Variants in TMEM132D observed in about 807,000 individuals in gnomAD.
TMEM132D encodes the protein mature OL transmembrane protein.
Under a neutral mutation model 62.3 loss-of-function variants are expected in TMEM132D, and 21 were observed. That is an observed-to-expected ratio of 0.34 (90% CI 0.24 to 0.49). The LOEUF (loss-of-function observed/expected upper bound fraction) is 0.49, where lower values mean the gene tolerates loss of function less well. Ranked by LOEUF, TMEM132D falls within the 20% of genes least tolerant of loss-of-function variation. TMEM132D has a pLI of 0.99. For missense variants in TMEM132D, 1,346 were observed against 1,402.8 expected, an observed-to-expected ratio of 0.96 and a Z score of 0.65; for synonymous variants, 621 against 575.6, an observed-to-expected ratio of 1.08 and a Z score of -1.13.
At position 129,597,770 on chromosome 12, in the gene TMEM132D, T is replaced by C. The variant is rs1296613962; in HGVS notation, c.969-66565A>G. On this transcript the variant is annotated intron_variant, in intron 2 of 8. Coordinates refer to ENST00000422113, the MANE Select transcript of TMEM132D (RefSeq NM_133448.3). ...CATTGGTTGAAGTGTTCTCTTCACA[T>C]CATCAAATGCCCCAAAGGTAGGATT... 2.6e-5 allele frequency among the ~76,000 whole-genome samples: 4 copies of C among 152,290 alleles called. No homozygotes were observed. In the East Asian group the frequency reaches 7.7e-4, roughly 29 times the overall value.
intron 3 of TMEM132D, among the ~76,000 whole-genome samples, chr12:129,475,813 C>A (rs1034383720): frequency 1.3e-5 from 2 of 152,156 alleles, no homozygotes; most frequent in African/African-American, 4.8e-5. Context: ...ACCTGGTGTG[C>A]AGTGATGGAA....
At chr12:129,161,603 G>A (rs1387118035) in intron 5 of TMEM132D, among the ~76,000 whole-genome samples, 2 of 152,116 alleles carry the variant, frequency 1.3e-5, no homozygotes, top group Admixed American at 6.5e-5. Flanking sequence ...TCTCTATTAC[G>A]GCTTTTGCCT....
At chr12:129,463,442 T>G (rs1289080347) in intron 3 of TMEM132D, among the ~76,000 whole-genome samples, 1 of 127,328 alleles carries the variant, frequency 7.9e-6, no homozygotes. Flanking sequence ...CCTGTCCTAT[T>G]TATTTATTTA....
chr12:129,621,365 G>A (rs1056639148), intron 2 of TMEM132D, among the ~76,000 whole-genome samples: 5 of 152,030 alleles, frequency 3.3e-5, no homozygotes, highest in Admixed American at 6.5e-5. Flanking sequence ...GATGCTCTCT[G>A]GGGAGCTCAG....
chr12:129,558,778 C>T lies in TMEM132D; in HGVS notation c.969-27573G>A, dbSNP rs574422926. ...GGGTCCATGGACTGGAGAAGCGTTG[C>T]ATTTACTCCAAGAGCAAGACAGCAT... On this transcript the variant is annotated intron_variant, in intron 2 of 8. Transcript: ENST00000422113. 2.8e-4 allele frequency among the ~76,000 whole-genome samples: 43 copies of T among 152,310 alleles called. 1 individual carries two copies. In the South Asian group the frequency reaches 8.3e-3, roughly 29 times the overall value.
At chr12:129,901,613 G>T (rs1267646998) in intron 1 of TMEM132D, among the ~76,000 whole-genome samples, 2 of 152,150 alleles carry the variant, frequency 1.3e-5, no homozygotes, top group African/African-American at 4.8e-5. Context: ...ACATCACACA[G>T]GACCTCATTT....
At chr12:129,333,372 CAA>C (rs1869173393) in intron 4 of TMEM132D, among the ~76,000 whole-genome samples, 1 of 152,098 alleles carries the variant, frequency 6.6e-6, no homozygotes, top group African/African-American at 2.4e-5. Context: ...AAAATGTGTG[CAA>C]AGATTTTTGT....
chr12:129,842,474 T>G (rs574836539), intron 1 of TMEM132D, among the ~76,000 whole-genome samples: 47 of 152,116 alleles, frequency 3.1e-4, no homozygotes, highest in African/African-American at 1.1e-3. Context: ...TGGTTTTGTT[T>G]TATATTTGTT....
At chr12:129,358,046 C>A (rs1345804523) in intron 3 of TMEM132D, among the ~76,000 whole-genome samples, 1 of 152,132 alleles carries the variant, frequency 6.6e-6, no homozygotes, top group East Asian at 1.9e-4. Flanking sequence ...GTCAAATATG[C>A]ATGATCCTTT....
intron 5 of TMEM132D, among the ~76,000 whole-genome samples, chr12:129,137,147 GTCATCACTAT>G (rs1565975615): frequency 3.4e-5 from 1 of 29,334 alleles, no homozygotes; most frequent in Non-Finnish European, 1.3e-4. Flanking sequence ...CACTATCATT[GTCATCACTAT>G]CACAATCACC....
chr12:129,292,503 G>GT lies in TMEM132D; in HGVS notation c.1299+45130dup, dbSNP rs79685709. On this transcript the variant is annotated intron_variant, in intron 4 of 8. Transcript: ENST00000422113. ...ATCCTGTAATTAGAGAAGGGCCAGG[G>GT]TTAATGACCAAAGGAAAACAGACTA... Among the ~76,000 whole-genome samples the GT allele has an allele frequency of 6.0e-3, 920 of 152,282 alleles. 62 individuals are homozygous for GT. In the East Asian group the frequency reaches 0.15, roughly 26 times the overall value.
intron 5 of TMEM132D, among the ~76,000 whole-genome samples, chr12:129,168,655 C>CCCAGGTTGG (rs1877632052): frequency 6.6e-6 from 1 of 152,172 alleles, no homozygotes; most frequent in South Asian, 2.1e-4. Flanking sequence ...GCTCTACAGA[C>CCCAGGTTGG]ATTTAAGGTT....
In TMEM132D at chr12:129,699,965, G is replaced by C. The variant is rs773645660; in HGVS notation, c.813C>G (p.Phe271Leu). 1 of 1,614,138 alleles carries C rather than the reference G, an allele frequency of 6.2e-7. No homozygotes were observed. The highest frequency in any genetic ancestry group is 2.2e-5 in the East Asian group (1 of 44,872). The change falls in exon 2 of 9, where the codon TTC becomes TTG. Residue 271 changes from phenylalanine to leucine, a missense_variant. Transcript: ENST00000422113. ...GPPLQRIGSIFLYQTHRKPSL... is the reference protein window; with the variant it reads ...GPPLQRIGSILLYQTHRKPSL... The stretch of plus-strand genomic sequence containing the variant: ...AGGGTTTCCTGTGTGTCTGATAAAG[G>C]AAGATGCTCCCGATCCTCTGCAAGG...
intron 5 of TMEM132D, among the ~76,000 whole-genome samples, chr12:129,160,609 A>G (rs925047120): frequency 1.3e-5 from 2 of 152,214 alleles, no homozygotes; most frequent in Non-Finnish European, 2.9e-5. Context: ...GTACCCAGCC[A>G]TTCTATGTAG....
Position 129,848,349 on chromosome 12 carries a change from G to A in TMEM132D, c.79+54912C>T, listed in dbSNP as rs567007019. 2.6e-5 allele frequency among the ~76,000 whole-genome samples: 4 copies of A among 152,290 alleles called. No homozygotes were observed. The South Asian group carries it at 6.2e-4, about 24-fold the overall frequency. ...TCCTGAAATGAAGCATGAAGGAATT[G>A]GGACACAGAAGTGACAATTTTTCTT... is the stretch of plus-strand genomic sequence containing the variant. On this transcript the variant is annotated intron_variant, in intron 1 of 8. Transcript: ENST00000422113.
chr12:129,118,820 A>G (rs1875973452), intron 5 of TMEM132D, among the ~76,000 whole-genome samples: 1 of 152,202 alleles, frequency 6.6e-6, no homozygotes, highest in Non-Finnish European at 1.5e-5. Flanking sequence ...GCTGTAGCTC[A>G]TATCAGAGGG....
At chr12:129,232,285 G>T (rs946713863) in intron 4 of TMEM132D, among the ~76,000 whole-genome samples, 8 of 152,200 alleles carry the variant, frequency 5.3e-5, no homozygotes, top group African/African-American at 1.4e-4. Flanking sequence ...GAACACACAT[G>T]CACTCAGACA....
chr12:129,309,521 T>C (rs539213247), intron 4 of TMEM132D, among the ~76,000 whole-genome samples: 2 of 152,292 alleles, frequency 1.3e-5, no homozygotes, highest in Admixed American at 1.3e-4. Context: ...AGGATTGTGA[T>C]TGCTTTTAAA....
In TMEM132D at chr12:129,273,191, GT is replaced by G. The variant is rs574209414; in HGVS notation, c.1300-63529del. Among the ~76,000 whole-genome samples, 125 of 151,516 alleles carry G rather than the reference GT, an allele frequency of 8.2e-4. 4 individuals carry two copies. Among genetic ancestry groups the G allele is most frequent in the African/African-American group, 2.8e-3 (115 of 40,902 alleles). On this transcript the variant is annotated intron_variant, in intron 4 of 8. Transcript: ENST00000422113. ...AGACTGGGTGACAGAGTGAGATTCTGTTTCCAAACAAACAAACAAACAAACA... is the reference window on the plus strand; with the variant it reads ...AGACTGGGTGACAGAGTGAGATTCTGTTCCAAACAAACAAACAAACAAACA...
Sources: gnomAD v4.1 joint callset for allele counts (sites outside exome capture counted in the v4.1 genomes callset) on GRCh38, gnomAD v4.1.1 for gene constraint, MANE v1.5 for transcripts, NCBI Gene and HGNC (gene_info 2026-07-23, HGNC 2026-07-21) for gene names.